The following NDFIP2 variants were observed in gnomAD, a reference collection of about 807,000 sequenced individuals.
NDFIP2 encodes the protein Nedd4 family interacting protein 2.
In NDFIP2, 19 loss-of-function variants were observed where a neutral mutation model predicts 36.0. The observed-to-expected ratio is 0.53, with a 90% CI of 0.37 to 0.77. NDFIP2 has a LOEUF of 0.77. Ranked by LOEUF, NDFIP2 falls within the 30% of genes least tolerant of loss-of-function variation. NDFIP2 has a pLI of 0.00. For missense variants in NDFIP2, 446 were observed against 435.8 expected (o/e 1.02, Z -0.21); for synonymous variants, 181 against 167.7 (o/e 1.08, Z -0.61).
At chr13:79,524,887 A>G (rs1424051626) in intron 2 of NDFIP2, among the ~76,000 whole-genome samples, 1 of 152,108 alleles carries the variant, frequency 6.6e-6, no homozygotes, top group Non-Finnish European at 1.5e-5. Flanking sequence ...TCCATGTTTT[A>G]TGCCTTGATG....
rs2137125521 is a variant in NDFIP2, at chr13:79,555,583, T to A, written c.*3070T>A. ...TGTAGAAGAGGAATAGTATTTTTTT[T>A]AATAGTTGTATTTGAATGATTCCAG... On this transcript the variant is annotated 3_prime_UTR_variant, in exon 8 of 8. Coordinates refer to ENST00000218652, the MANE Select transcript of NDFIP2 (RefSeq NM_019080.3). The A allele has an allele frequency of 6.6e-6, 1 of 152,130 alleles. No individual in the cohort carries two copies. The highest frequency in any genetic ancestry group is 1.5e-5 in the Non-Finnish European group (1 of 67,940). 9.4% of individuals were successfully genotyped at this position (152,130 alleles called of 1,614,324 possible). A position where few individuals can be genotyped will look rare whatever the true frequency, so the allele number is the denominator to read the frequency against.
rs949320438 is a variant in NDFIP2, at chr13:79,556,042, A to G, written c.*3529A>G. 2.0e-5 allele frequency: 3 copies of G among 152,138 alleles called. No homozygotes were observed. Among genetic ancestry groups the G allele is most frequent in the African/African-American group, 7.2e-5 (3 of 41,448 alleles). The allele number at this position is 152,138 out of a possible 1,614,324, so 9.4% of individuals were successfully genotyped here. ...ATGTCAGGAGACAGATTGTGGTTTA[A>G]TTTTAATAAACAAAATATCATCTTT... On this transcript the variant is annotated 3_prime_UTR_variant, in exon 8 of 8. Coordinates refer to ENST00000218652, the MANE Select transcript of NDFIP2 (RefSeq NM_019080.3).
At chr13:79,515,033 T>G (rs772213170) in intron 1 of NDFIP2, among the ~76,000 whole-genome samples, 6 of 152,146 alleles carry the variant, frequency 3.9e-5, no homozygotes, top group African/African-American at 7.2e-5. Flanking sequence ...TCTCATTGGG[T>G]GAACATCGTA....
chr13:79,533,128 CTCTTTA>C (rs2137100683), intron 2 of NDFIP2, among the ~76,000 whole-genome samples, 189 bp from the exon 3 acceptor site: 1 of 152,176 alleles, frequency 6.6e-6, no homozygotes, highest in Non-Finnish European at 1.5e-5. Flanking sequence ...TCCATTCTTT[CTCTTTA>C]TAATAAATTT....
chr13:79,545,902 A>AT (rs1265122684), intron 5 of NDFIP2, among the ~76,000 whole-genome samples: 1 of 152,062 alleles, frequency 6.6e-6, no homozygotes, highest in Non-Finnish European at 1.5e-5. Flanking sequence ...CGCCTGGCTA[A>AT]TTTTTTGTAT....
intron 6 of NDFIP2, among the ~76,000 whole-genome samples, chr13:79,550,357 T>A (rs1360396467): frequency 1.3e-5 from 2 of 151,774 alleles, no homozygotes. Context: ...AGATATAAGA[T>A]GTATCCCAAA....
At chr13:79,517,301 C>G (rs1254600999) in intron 1 of NDFIP2, among the ~76,000 whole-genome samples, 1 of 152,120 alleles carries the variant, frequency 6.6e-6, no homozygotes, top group African/African-American at 2.4e-5. Flanking sequence ...TCACTGTATA[C>G]AAGTAGGTCC....
intron 1 of NDFIP2, among the ~76,000 whole-genome samples, chr13:79,493,632 T>TA (rs1364653359): frequency 6.6e-6 from 1 of 152,144 alleles, no homozygotes; most frequent in Non-Finnish European, 1.5e-5. Context: ...CAGGAAAGCT[T>TA]AGAGGACAGA....
chr13:79,496,007 A>G (rs1012708485), intron 1 of NDFIP2, among the ~76,000 whole-genome samples: 4 of 151,892 alleles, frequency 2.6e-5, no homozygotes, highest in South Asian at 4.1e-4. Flanking sequence ...GATAGTTGTC[A>G]TATGTATTAT....
chr13:79,537,741 C>T (rs889524038), intron 3 of NDFIP2, among the ~76,000 whole-genome samples: 2 of 152,150 alleles, frequency 1.3e-5, no homozygotes, highest in Non-Finnish European at 1.5e-5. Context: ...ATTCAAGTTC[C>T]ACTTTGACCC....
At chr13:79,505,535 C>T (rs893769654) in intron 1 of NDFIP2, among the ~76,000 whole-genome samples, 5 of 151,178 alleles carry the variant, frequency 3.3e-5, no homozygotes, top group South Asian at 2.1e-4. Flanking sequence ...GAGGCTGAGG[C>T]GGGAGGATTG....
In NDFIP2 at chr13:79,484,006, ATTAT is replaced by A. The variant is rs369259007; in HGVS notation, c.321+2501_321+2504del. On this transcript the variant is annotated intron_variant, in intron 1 of 7. Transcript: ENST00000218652. ...TTCTAACTTTGATGTTCGTTATTTT[ATTAT>A]TTATTTATTTATTTATTTTTATTTT... 4.3e-3 allele frequency among the ~76,000 whole-genome samples: 658 copies of A among 151,962 alleles called. 7 individuals carry two copies. The highest frequency in any genetic ancestry group is 0.015 in the African/African-American group (632 of 41,470).
intron 1 of NDFIP2, among the ~76,000 whole-genome samples, chr13:79,505,646 A>C (rs1285184716): frequency 1.3e-5 from 2 of 151,650 alleles, no homozygotes. Flanking sequence ...AAAAAAACCC[A>C]AAAACCAAAA....
At chr13:79,534,629 T>G (rs912816809) in intron 3 of NDFIP2, among the ~76,000 whole-genome samples, 1 of 152,102 alleles carries the variant, frequency 6.6e-6, no homozygotes, top group Non-Finnish European at 1.5e-5. Flanking sequence ...TTTTTCTTGC[T>G]TCAGACTTGA....
At chr13:79,521,738 T>C (rs1004760131) in intron 2 of NDFIP2, among the ~76,000 whole-genome samples, 4 of 152,102 alleles carry the variant, frequency 2.6e-5, no homozygotes, top group African/African-American at 9.7e-5. Context: ...ACTTTTTTTG[T>C]GTAGTTACTG....
chr13:79,514,385 TCA>T (rs1354637224), intron 1 of NDFIP2, among the ~76,000 whole-genome samples: 1 of 152,190 alleles, frequency 6.6e-6, no homozygotes, highest in Non-Finnish European at 1.5e-5. Context: ...TTTAATATTT[TCA>T]CAGTGTTCAG....
chr13:79,537,493 G>T (rs1875288534), intron 3 of NDFIP2, among the ~76,000 whole-genome samples: 1 of 152,058 alleles, frequency 6.6e-6, no homozygotes, highest in Non-Finnish European at 1.5e-5. Context: ...GTGCTTTAAT[G>T]TTTATTTCTT....
At chr13:79,551,208 C>A (rs1875896408) in intron 7 of NDFIP2, 86 bp downstream of exon 7, 2 of 654,174 alleles carry the variant, frequency 3.1e-6, no homozygotes, top group South Asian at 3.1e-5. Context: ...AATGTGTATT[C>A]ATGATTTTTA....
At chr13:79,544,396 C>T (rs1490499975) in intron 5 of NDFIP2, among the ~76,000 whole-genome samples, 1 of 152,058 alleles carries the variant, frequency 6.6e-6, no homozygotes, top group East Asian at 1.9e-4. Context: ...AGATAGTTTT[C>T]TGTAAAAATT....
Sources: gnomAD v4.1 joint callset for allele counts (sites outside exome capture counted in the v4.1 genomes callset) on GRCh38, gnomAD v4.1.1 for gene constraint, MANE v1.5 for transcripts, NCBI Gene and HGNC (gene_info 2026-07-23, HGNC 2026-07-21) for gene names.